Variants in EPS15L1 observed in about 807,000 individuals in gnomAD.
EPS15L1 encodes the protein epidermal growth factor receptor pathway substrate 15 like 1, also known as epidermal growth factor receptor substrate 15-like 1.
EPS15L1 carries 43 observed loss-of-function variants against 117.1 expected under a neutral mutation model. That is an observed-to-expected ratio of 0.37 (90% CI 0.29 to 0.47). EPS15L1 has a LOEUF of 0.47. EPS15L1 is among the 20% of genes least tolerant of loss of function. The probability of loss-of-function intolerance (pLI) is 0.99; values close to 1 mark genes in which losing one functional copy is unlikely to be tolerated. For synonymous variants in EPS15L1, 459 were observed against 470.5 expected, an observed-to-expected ratio of 0.98 and a Z score of 0.32; for missense variants, 981 against 1,164.0, an observed-to-expected ratio of 0.84 and a Z score of 2.29.
intron 3 of EPS15L1, chr19:16,441,657 C>CA (rs1356419153): frequency 4.9e-5 from 14 of 288,006 alleles, no homozygotes; most frequent in Non-Finnish European, 6.4e-5. Context: ...AAAAAGTCCA[C>CA]AAGCTATCAA....
rs1390764291 is a variant in EPS15L1, at chr19:16,437,811, T to A, written c.268A>T (p.Thr90Ser). 6.2e-7 allele frequency: 1 copy of A among 1,614,096 alleles called. No homozygotes were observed. The highest frequency in any genetic ancestry group is 2.2e-5 in the East Asian group (1 of 44,882). ...ATGCTCAAATTCAGATTGCTCAAGG[T>A]AACTTCATGGCCACTCTGTGCACAG... is the stretch of plus-strand genomic sequence containing the variant. ...VACAQSGHEVTLSNLNLSMPP... is the reference protein window; with the variant it reads ...VACAQSGHEVSLSNLNLSMPP... Residue 90 changes from threonine (T) to serine (S), a missense_variant, in exon 5 of 24, where the codon ACC (threonine) becomes TCC (serine). Around this residue, in one of 5 missense-constraint regions of EPS15L1, gnomAD observed 62 missense variants for 104.2 expected, o/e 0.59. Transcript: ENST00000455140.
At chr19:16,389,624 T>C (rs1040004826) in intron 19 of EPS15L1, among the ~76,000 whole-genome samples, 5 of 152,184 alleles carry the variant, frequency 3.3e-5, no homozygotes, top group Non-Finnish European at 5.9e-5. Flanking sequence ...ACTACTTTTT[T>C]CCTCTTTCTT....
rs917984967 is a variant in EPS15L1, at chr19:16,405,775, C to T, written c.1267-1026G>A. Among the ~76,000 whole-genome samples, 3 of 152,242 alleles carry T rather than the reference C, an allele frequency of 2.0e-5. No homozygotes were observed. Among genetic ancestry groups the T allele is most frequent in the African/African-American group, 7.2e-5 (3 of 41,466 alleles). Reference sequence around the variant, plus strand: ...CCCTCCAGGAGCTCATGAACAGCACCTCCGGGGATGGGGACACCCAAGAAG... The same window carrying T: ...CCCTCCAGGAGCTCATGAACAGCACTTCCGGGGATGGGGACACCCAAGAAG... On this transcript the variant is annotated intron_variant, in intron 13 of 23. Coordinates refer to ENST00000455140, the MANE Select transcript of EPS15L1 (RefSeq NM_001258374.3). This position sits in a 1 kb window ranked among gnomAD's most constrained non-coding sequence, Gnocchi z 4.0.
intron 13 of EPS15L1, among the ~76,000 whole-genome samples, chr19:16,409,363 T>C (rs915808729): frequency 1.3e-5 from 2 of 152,178 alleles, no homozygotes; most frequent in South Asian, 2.1e-4. Context: ...ATCAAAGACC[T>C]ACATGGAAAA....
At chr19:16,361,343 G>A (rs1019509477) in intron 23 of EPS15L1, among the ~76,000 whole-genome samples, 2 of 152,098 alleles carry the variant, frequency 1.3e-5, no homozygotes, top group Non-Finnish European at 2.9e-5. Flanking sequence ...AAATGCATGG[G>A]GCGGGACTGT....
At chr19:16,428,851 G>C in intron 7 of EPS15L1, 90 bp from the exon 8 acceptor site, 1 of 996,064 alleles carries the variant, frequency 1.0e-6, no homozygotes, top group Non-Finnish European at 1.6e-6. Context: ...CTCAGCCGTG[G>C]CACTCACTGG....
chr19:16,402,929 G>A (rs1479327407), intron 15 of EPS15L1, among the ~76,000 whole-genome samples: 1 of 152,086 alleles, frequency 6.6e-6, no homozygotes, highest in African/African-American at 2.4e-5. Context: ...AAACTCTAAG[G>A]GTTAGAAGAG....
At chr19:16,454,218 C>CA (rs1319704549) in intron 1 of EPS15L1, among the ~76,000 whole-genome samples, 1 of 152,198 alleles carries the variant, frequency 6.6e-6, no homozygotes, top group East Asian at 1.9e-4. Flanking sequence ...GCTGAGTCTC[C>CA]ATGGGACAGA....
At chr19:16,416,523 A>G (rs1270760312) in intron 12 of EPS15L1, among the ~76,000 whole-genome samples, 1 of 152,022 alleles carries the variant, frequency 6.6e-6, no homozygotes, top group Non-Finnish European at 1.5e-5. Flanking sequence ...CTGTACTCTC[A>G]GCTTCCTGGG....
At chr19:16,469,223 G>C (rs1211598361) in intron 1 of EPS15L1, among the ~76,000 whole-genome samples, 1 of 152,102 alleles carries the variant, frequency 6.6e-6, no homozygotes, top group Non-Finnish European at 1.5e-5. Context: ...AGAAGCTCCA[G>C]GGGAGGGAGC....
rs186841884 is a variant in EPS15L1 at position 16,446,151 on chromosome 19, C to T, written c.34-3932G>A. Among the ~76,000 whole-genome samples the T allele has an allele frequency of 1.0e-3, 156 of 152,236 alleles. 2 individuals are homozygous for T. The highest frequency in any genetic ancestry group is 7.2e-3 in the South Asian group (35 of 4,830). ...TTCTGCTCTGAAGGCTTTAAAACAC[C>T]GCAATTCACACAAGCGCCTGTAACT... is the stretch of plus-strand genomic sequence containing the variant. On this transcript the variant is annotated intron_variant, in intron 1 of 23. Coordinates refer to ENST00000455140, the MANE Select transcript of EPS15L1 (RefSeq NM_001258374.3).
intron 23 of EPS15L1, among the ~76,000 whole-genome samples, chr19:16,360,102 T>G (rs1380071793): frequency 6.6e-6 from 1 of 151,258 alleles, no homozygotes; most frequent in African/African-American, 2.4e-5. Context: ...AAACGAGCCC[T>G]TTGCGGGTTG....
intron 17 of EPS15L1, among the ~76,000 whole-genome samples, chr19:16,394,646 C>G (rs2092520474): frequency 6.6e-6 from 1 of 152,168 alleles, no homozygotes; most frequent in Non-Finnish European, 1.5e-5. Flanking sequence ...TGGCTCTGGA[C>G]AGACTCCTAA....
At chr19:16,432,512 G>A (rs541126517) in intron 7 of EPS15L1, among the ~76,000 whole-genome samples, 1 of 152,234 alleles carries the variant, frequency 6.6e-6, no homozygotes, top group African/African-American at 2.4e-5. Context: ...AGCTTGCAGT[G>A]AGCAGAGATT....
At chr19:16,413,475 T>G in intron 13 of EPS15L1, 1 of 735,816 alleles carries the variant, frequency 1.4e-6, no homozygotes, top group Non-Finnish European at 2.3e-6. Flanking sequence ...GGAGACTGTA[T>G]TCACCAAGTC....
At position 16,370,979 on chromosome 19, in the gene EPS15L1, T is replaced by C. The variant is rs2092216377; in HGVS notation, c.2380+6143A>G. ...GAATTTTCCAGGCCCCTTGAGATGG[T>C]GGAACCACTTGTCCCATTGTAGAAT... On this transcript the variant is annotated intron_variant, in intron 22 of 23. Transcript: ENST00000455140. The surrounding 1 kb of genome is among the most constrained non-coding windows in gnomAD (Gnocchi z 5.2). Among the ~76,000 whole-genome samples, 1 of 152,212 alleles carries C rather than the reference T, an allele frequency of 6.6e-6. No homozygotes were observed. Among genetic ancestry groups the C allele is most frequent in the Non-Finnish European group, 1.5e-5 (1 of 68,036 alleles).
Position 16,395,433 on chromosome 19 carries a change from C to T in EPS15L1, c.1826G>A (p.Ser609Asn), listed in dbSNP as rs1053049489. 3 of 1,613,382 alleles carry T rather than the reference C, an allele frequency of 1.9e-6. No individual in the cohort carries two copies. Among genetic ancestry groups the T allele is most frequent in the Non-Finnish European group, 8.5e-7 (1 of 1,179,496 alleles). ...DPFKNKALLF[S>N]NNTQELHPDP... ...CGGATGCAACTCTTGCGTGTTGTTG[C>T]TAAATAACAAGGCTTTATTTTTGAA... The change falls in exon 17 of 24, where the codon AGC becomes AAC. Residue 609 changes from serine to asparagine, a missense_variant. By Grantham distance (46) the Ser-to-Asn change is conservative. Coordinates refer to ENST00000455140, the MANE Select transcript of EPS15L1 (RefSeq NM_001258374.3).
chr19:16,360,240 G>C (rs1568385064), intron 23 of EPS15L1, among the ~76,000 whole-genome samples: 1 of 151,692 alleles, frequency 6.6e-6, no homozygotes, highest in Non-Finnish European at 1.5e-5. Context: ...GAAGAGTTCT[G>C]TTTTTTTTAA....
chr19:16,416,174 C>T (rs946850065), intron 12 of EPS15L1, among the ~76,000 whole-genome samples: 1 of 152,152 alleles, frequency 6.6e-6, no homozygotes, highest in Non-Finnish European at 1.5e-5. Context: ...ATATGACCCC[C>T]GGGGATCCCC....
Sources: allele counts gnomAD v4.1 joint callset (sites outside exome capture counted in the v4.1 genomes callset), GRCh38; gene constraint gnomAD v4.1.1; regional missense constraint gnomAD v4.1.1; non-coding constraint Gnocchi (gnomAD v3.1); transcripts MANE v1.5; gene names NCBI Gene and HGNC (gene_info 2026-07-23, HGNC 2026-07-21).